CLYBL: variants seen among roughly 807,000 people sequenced by gnomAD.
The protein encoded by CLYBL is citramalyl-CoA lyase, mitochondrial.
A neutral mutation model predicts 38.9 loss-of-function variants in CLYBL; 31 were observed. The ratio of observed to expected loss-of-function variants is 0.80; its 90% CI spans 0.60 to 1.08. The LOEUF is 1.08. CLYBL is among the 50% of genes least tolerant of loss of function. CLYBL has a pLI of 0.00. For missense variants in CLYBL, 434 were observed against 411.6 expected (o/e 1.05, Z -0.47); for synonymous variants, 171 against 158.6 (o/e 1.08, Z -0.59).
At chr13:99,864,512 T>G (rs2051690627) in intron 4 of CLYBL, among the ~76,000 whole-genome samples, 1 of 152,216 alleles carries the variant, frequency 6.6e-6, no homozygotes, top group Admixed American at 6.5e-5. Flanking sequence ...TCTGGAAAGA[T>G]ATAAATAACT....
chr13:99,655,686 G>T (rs954522876), intron 1 of CLYBL, among the ~76,000 whole-genome samples: 14 of 152,220 alleles, frequency 9.2e-5, no homozygotes, highest in African/African-American at 3.4e-4. Context: ...AGCTGTGTGG[G>T]CCTTGCTTGT....
rs1413966605 is a variant in CLYBL at position 99,879,690 on chromosome 13, C to G, written c.927+8628C>G. On this transcript the variant is annotated intron_variant, in intron 7 of 8. Coordinates refer to ENST00000339105, the MANE Select transcript of CLYBL (RefSeq NM_206808.5). ...CTTCAGGCATGAGCCTGTTTCTATT[C>G]ATTGTATTTTCAAAAACACTGATGT... 4.6e-5 allele frequency among the ~76,000 whole-genome samples: 7 copies of G among 152,158 alleles called. No individual in the cohort carries two copies. The South Asian group carries it at 6.2e-4, about 13-fold the overall frequency.
intron 2 of CLYBL, among the ~76,000 whole-genome samples, chr13:99,850,624 CA>C (rs1159828776): frequency 5.3e-5 from 8 of 152,134 alleles, no homozygotes; most frequent in African/African-American, 1.9e-4. Flanking sequence ...GGCAGTTCCT[CA>C]AAAAGCTAAA....
intron 2 of CLYBL, among the ~76,000 whole-genome samples, chr13:99,788,019 A>T (rs1052384940): frequency 1.3e-5 from 2 of 152,132 alleles, no homozygotes; most frequent in African/African-American, 4.8e-5. Flanking sequence ...TTGGTGTATA[A>T]GAATGCTTGT....
chr13:99,796,955 C>T (rs578222252), intron 2 of CLYBL, among the ~76,000 whole-genome samples: 14 of 152,270 alleles, frequency 9.2e-5, no homozygotes, highest in African/African-American at 3.4e-4. Context: ...ATCGTATCCC[C>T]CATTGCTTAC....
At chr13:99,610,785 G>C (rs1358708512) in intron 1 of CLYBL, among the ~76,000 whole-genome samples, 1 of 152,126 alleles carries the variant, frequency 6.6e-6, no homozygotes, top group African/African-American at 2.4e-5. Flanking sequence ...ACTTTTCAGA[G>C]CTCTCTATGG....
chr13:99,646,510 C>CTTTTTTT (rs140419884), intron 1 of CLYBL, among the ~76,000 whole-genome samples: 1 of 109,244 alleles, frequency 9.2e-6, no homozygotes, highest in Non-Finnish European at 1.8e-5. Context: ...TTACAGAAAT[C>CTTTTTTT]TTTTTTTTTT....
At chr13:99,633,101 T>G (rs1380192033) in intron 1 of CLYBL, among the ~76,000 whole-genome samples, 2 of 142,092 alleles carry the variant, frequency 1.4e-5, no homozygotes, top group Non-Finnish European at 3.0e-5. Context: ...ATTAGCCAGG[T>G]GTGGGAGACT....
intron 1 of CLYBL, among the ~76,000 whole-genome samples, chr13:99,671,526 C>T (rs1048968588): frequency 6.6e-6 from 1 of 152,032 alleles, no homozygotes. Context: ...ACACCTGTAA[C>T]CCCAGCACTT....
At chr13:99,873,271 A>G (rs953529083) in intron 7 of CLYBL, among the ~76,000 whole-genome samples, 3 of 152,168 alleles carry the variant, frequency 2.0e-5, no homozygotes, top group Admixed American at 6.5e-5. Context: ...GTGACTCTGG[A>G]TCTTGAGGGG....
chr13:99,675,862 T>C (rs2139378112), intron 1 of CLYBL, among the ~76,000 whole-genome samples: 1 of 152,344 alleles, frequency 6.6e-6, no homozygotes, highest in South Asian at 2.1e-4. Context: ...CATTGTTGTA[T>C]GGGTATATTT....
intron 1 of CLYBL, among the ~76,000 whole-genome samples, chr13:99,663,479 G>A (rs2047437677): frequency 6.6e-6 from 1 of 152,138 alleles, no homozygotes; most frequent in Admixed American, 6.5e-5. Flanking sequence ...CTGGTCAGCA[G>A]AACCATCTTA....
At chr13:99,656,079 C>G (rs1347703432) in intron 1 of CLYBL, among the ~76,000 whole-genome samples, 2 of 152,110 alleles carry the variant, frequency 1.3e-5, no homozygotes, top group African/African-American at 4.8e-5. Flanking sequence ...CAGACCCACC[C>G]CCACCTTTGA....
intron 1 of CLYBL, among the ~76,000 whole-genome samples, chr13:99,748,543 G>A (rs147417140): frequency 0.058 from 8,132 of 140,544 alleles, 774 homozygotes; most frequent in African/African-American, 0.2. Context: ...CGGTTCAAGC[G>A]ATTCTCCTGC....
At chr13:99,746,510 C>A (rs548863747) in intron 1 of CLYBL, among the ~76,000 whole-genome samples, 2 of 152,108 alleles carry the variant, frequency 1.3e-5, no homozygotes, top group Non-Finnish European at 2.9e-5. Flanking sequence ...ATTGTCTTTT[C>A]TGCACCTGTT....
chr13:99,773,952 G>A (rs1457128767), intron 2 of CLYBL, among the ~76,000 whole-genome samples: 9 of 152,000 alleles, frequency 5.9e-5, no homozygotes, highest in African/African-American at 1.9e-4. Flanking sequence ...CTTGTAGGCC[G>A]GATGAGGTGG....
At chr13:99,805,247 T>TC (rs2050209419) in intron 2 of CLYBL, among the ~76,000 whole-genome samples, 1 of 152,134 alleles carries the variant, frequency 6.6e-6, no homozygotes, top group African/African-American at 2.4e-5. Flanking sequence ...TCTGTTCGAG[T>TC]CCCTGCTTTA....
chr13:99,633,534 C>CAAA (rs71215536), intron 1 of CLYBL, among the ~76,000 whole-genome samples: 11,950 of 121,422 alleles, frequency 0.098, 628 homozygotes, highest in Admixed American at 0.11. Flanking sequence ...GACTCTGTCT[C>CAAA]AAAAAAAAAA....
chr13:99,737,208 C>T (rs1025677341), intron 1 of CLYBL, among the ~76,000 whole-genome samples: 2 of 152,112 alleles, frequency 1.3e-5, no homozygotes, highest in Non-Finnish European at 2.9e-5. Flanking sequence ...CCCCGGTCCC[C>T]CTGTAAGTGT....
Sources: allele counts gnomAD v4.1 joint callset (sites outside exome capture counted in the v4.1 genomes callset), GRCh38; gene constraint gnomAD v4.1.1; transcripts MANE v1.5; gene names NCBI Gene and HGNC (gene_info 2026-07-23, HGNC 2026-07-21).